CACNA1B: variants seen among roughly 807,000 people sequenced by gnomAD.
CACNA1B encodes the protein voltage-dependent N-type calcium channel subunit alpha-1B.
Under a neutral mutation model 247.2 loss-of-function variants are expected in CACNA1B, and 70 were observed. The observed-to-expected ratio is 0.28, with a 90% confidence interval of 0.23 to 0.35. The LOEUF is 0.35. Among genes scored for constraint, CACNA1B ranks in the 10% least tolerant of loss-of-function variants. CACNA1B has a pLI of 1.00. For synonymous variants in CACNA1B, 1,231 were observed against 1,294.4 expected (o/e 0.95, Z 1.05); for missense variants, 2,367 against 3,197.4 (o/e 0.74, Z 6.26).
intron 12 of CACNA1B, 132 bp from the exon 13 acceptor site, chr9:137,984,006 G>A (rs1958324288): frequency 2.9e-6 from 2 of 690,732 alleles, no homozygotes; most frequent in Non-Finnish European, 5.2e-6. Flanking sequence ...ACCATATCTG[G>A]CTTGATTGTC....
At chr9:137,916,024 T>C (rs1957406291) in intron 5 of CACNA1B, among the ~76,000 whole-genome samples, 1 of 150,738 alleles carries the variant, frequency 6.6e-6, no homozygotes, top group South Asian at 2.1e-4. Context: ...CATGTGTTGT[T>C]ATACAATTTT....
intron 15 of CACNA1B, among the ~76,000 whole-genome samples, chr9:137,995,018 A>G (rs1476205648): frequency 6.6e-6 from 1 of 152,082 alleles, no homozygotes; most frequent in Non-Finnish European, 1.5e-5. Context: ...CAGCCTGACC[A>G]ACATGATGAA....
chr9:137,890,298 C>T (rs1300521203), intron 3 of CACNA1B: 1 of 149,084 alleles, frequency 6.7e-6, no homozygotes, highest in Non-Finnish European at 1.5e-5. Flanking sequence ...GCTGAAGGAG[C>T]CCAGGGCTGC....
Position 137,976,564 on chromosome 9 carries a change from C to A in CACNA1B, c.1656+545C>A, listed in dbSNP as rs922196107. 6.9e-4 allele frequency among the ~76,000 whole-genome samples: 105 copies of A among 151,350 alleles called. 2 individuals are homozygous for A. Among genetic ancestry groups the A allele is most frequent in the Non-Finnish European group, 2.5e-4 (17 of 67,940 alleles). On this transcript the variant is annotated intron_variant, in intron 12 of 46. Transcript: ENST00000371372. ...TTCCCAGCTTACCATGACAGTTGAA[C>A]ACAGACGGCAGGGCAGGGCAGTCTG...
In CACNA1B at chr9:138,073,405, T is replaced by C; in HGVS notation, c.4675-83T>C. On this transcript the variant is annotated intron_variant, in intron 32 of 46. Transcript: ENST00000371372. The surrounding 1 kb of genome is among the most constrained non-coding windows in gnomAD (Gnocchi z 6.4). ...ACTTTTCTTTGGGGCCACAGGGATG[T>C]GGGAAGAGGTTGTAGGGTGGCAGCA... 1.3e-6 allele frequency: 1 copy of C among 778,148 alleles called. No individual in the cohort carries two copies. Among genetic ancestry groups the C allele is most frequent in the Admixed American group, 1.9e-5 (1 of 53,578 alleles). The allele number at this position is 778,148 out of a possible 1,614,324, so 48.2% of individuals were successfully genotyped here.
Position 138,000,547 on chromosome 9 carries a change from T to G in CACNA1B, c.1975-6220T>G, listed in dbSNP as rs563122701. ...TTTCTGCCTCCTGCCTGGGGCCCAG[T>G]CATTATAAGGCGAGTTTCACCAAGC... On this transcript the variant is annotated intron_variant, in intron 15 of 46. Transcript: ENST00000371372. Among the ~76,000 whole-genome samples, 14 of 152,336 alleles carry G rather than the reference T, an allele frequency of 9.2e-5. No homozygotes were observed. The South Asian group carries it at 2.9e-3, about 32-fold the overall frequency.
chr9:138,118,057 C>T lies in CACNA1B; in HGVS notation c.5889C>T (p.Ile1963=). 1 of 1,588,382 alleles carries T rather than the reference C, an allele frequency of 6.3e-7. No individual in the cohort carries two copies. The highest frequency in any genetic ancestry group is 1.4e-5 in the African/African-American group (1 of 72,630). The part of the protein sequence containing the change: ...PPLERGHSTE[I]PVGRSGALAV... The stretch of plus-strand genomic sequence containing the variant: ...TGGAGCGTGGCCACTCCACAGAGAT[C>T]CCTGTGGGGCGGTCAGGAGCACTGG... The change falls in exon 43 of 47, where the codon ATC becomes ATT. Residue 1963 remains isoleucine, a synonymous_variant. Transcript: ENST00000371372.
rs758110680 is a variant in CACNA1B at position 137,887,098 on chromosome 9, G to T, written c.530+4215G>T. ...ACTTACAAGTGGCAGCTGGCGGTGA[G>T]GTTGGCGGAGCAGCGGAGGTGTGCC... On this transcript the variant is annotated intron_variant, in intron 3 of 46. Coordinates refer to ENST00000371372, the MANE Select transcript of CACNA1B (RefSeq NM_000718.4). Among the ~76,000 whole-genome samples the T allele has an allele frequency of 1.6e-3, 239 of 151,972 alleles. 1 individual carries two copies. The highest frequency in any genetic ancestry group is 2.7e-3 in the Non-Finnish European group (186 of 67,978).
intron 20 of CACNA1B, among the ~76,000 whole-genome samples, chr9:138,037,290 A>T (rs1384641243): frequency 1.3e-5 from 2 of 152,224 alleles, no homozygotes; most frequent in Non-Finnish European, 2.9e-5. Flanking sequence ...GCCTAGCAGC[A>T]TCCCTGGCCT....
intron 32 of CACNA1B, among the ~76,000 whole-genome samples, chr9:138,070,759 C>T (rs1430176799): frequency 6.6e-6 from 1 of 152,246 alleles, no homozygotes; most frequent in African/African-American, 2.4e-5. Context: ...GAGCCCTTCC[C>T]CACATTGTCT....
At position 138,020,512 on chromosome 9, in the gene CACNA1B, G is replaced by A. The variant is rs1047083483; in HGVS notation, c.2268-2499G>A. Among the ~76,000 whole-genome samples, 3 of 152,192 alleles carry A rather than the reference G, an allele frequency of 2.0e-5. No homozygotes were observed. The highest frequency in any genetic ancestry group is 1.3e-4 in the Admixed American group (2 of 15,272). On this transcript the variant is annotated intron_variant, in intron 18 of 46. Transcript: ENST00000371372. This position sits in a 1 kb window ranked among gnomAD's most constrained non-coding sequence, Gnocchi z 4.1. The stretch of plus-strand genomic sequence containing the variant: ...CTTAAGACACCATGCAGAGAGGCCC[G>A]GCACGCAGATTCAGAGACCTAGGGG...
chr9:137,933,093 C>T (rs907055368), intron 6 of CACNA1B, among the ~76,000 whole-genome samples: 7 of 151,996 alleles, frequency 4.6e-5, no homozygotes, highest in African/African-American at 7.2e-5. Context: ...CCACCACGCC[C>T]GGCTAGTTTT....
chr9:138,105,735 G>A lies in CACNA1B; in HGVS notation c.5356G>A (p.Asp1786Asn), dbSNP rs889281727. The A allele has an allele frequency of 6.4e-7, 1 of 1,565,974 alleles. No individual in the cohort carries two copies. The highest frequency in any genetic ancestry group is 8.6e-7 in the Non-Finnish European group (1 of 1,156,360). ...VRMNMPISNE[D>N]MTVHFTSTLM... ...CATGAACATGCCCATCTCCAACGAG[G>A]ACATGACTGTTCACTTCACGTCCAC... is the stretch of plus-strand genomic sequence containing the variant. The change falls in exon 39 of 47, where the codon GAC becomes AAC. Residue 1786 changes from aspartate (D) to asparagine (N), a missense_variant. By Grantham distance (23) the Asp-to-Asn change is conservative. Around this residue, in one of 12 missense-constraint regions of CACNA1B, gnomAD observed 773 missense variants for 779.4 expected, o/e 0.99. Coordinates refer to ENST00000371372, the MANE Select transcript of CACNA1B (RefSeq NM_000718.4).
intron 35 of CACNA1B, among the ~76,000 whole-genome samples, chr9:138,076,675 T>C (rs1008797386): frequency 2.0e-5 from 3 of 151,896 alleles, no homozygotes; most frequent in Non-Finnish European, 4.4e-5. Context: ...AGAAGGGAGG[T>C]GGGTGAACAT....
rs1425049953 is a variant in CACNA1B, at chr9:138,114,369, C to A, written c.5537-9C>A. 2.1e-6 allele frequency: 3 copies of A among 1,409,794 alleles called. No individual in the cohort carries two copies. Among genetic ancestry groups the A allele is most frequent in the Non-Finnish European group, 3.0e-6 (3 of 1,004,906 alleles). 87.3% of individuals were successfully genotyped at this position (1,409,794 alleles called of 1,614,324 possible). A position where few individuals can be genotyped will look rare whatever the true frequency, so the allele number is the denominator to read the frequency against. ...TTCTCCGAATCTCAACTCCTGTGTT[C>A]TTTTCCAGCTGATGAGATGACAGTG... is the stretch of plus-strand genomic sequence containing the variant. On this transcript the variant is annotated splice_polypyrimidine_tract_variant and intron_variant, in intron 40 of 46. Transcript: ENST00000371372.
chr9:138,092,018 C>T (rs1237650710), intron 36 of CACNA1B, among the ~76,000 whole-genome samples: 1 of 152,120 alleles, frequency 6.6e-6, no homozygotes, highest in Non-Finnish European at 1.5e-5. Context: ...GGGGTACAAA[C>T]AGGGAGTAAG....
At chr9:138,065,402 C>T (rs1004782562) in intron 31 of CACNA1B, among the ~76,000 whole-genome samples, 1 of 152,148 alleles carries the variant, frequency 6.6e-6, no homozygotes, top group African/African-American at 2.4e-5. Context: ...TCGTGGAAAG[C>T]ATCCACCTCA....
rs550782845 is a variant in CACNA1B at position 138,012,984 on chromosome 9, G to A, written c.2161-145G>A. On this transcript the variant is annotated intron_variant, in intron 17 of 46. Transcript: ENST00000371372. This position sits in a 1 kb window ranked among gnomAD's most constrained non-coding sequence, Gnocchi z 4.2. ...TCGTGGGGGGCCACATTCACTCAGG[G>A]GTTGGCTGCCTGTCTCCACTGGATA... 132 of 592,818 alleles carry A rather than the reference G, an allele frequency of 2.2e-4. 1 individual carries two copies. The South Asian group carries it at 2.6e-3, about 11-fold the overall frequency. 36.7% of individuals were successfully genotyped at this position (592,818 alleles called of 1,614,324 possible).
At chr9:138,113,624 T>C (rs113484138) in intron 40 of CACNA1B, among the ~76,000 whole-genome samples, 1,773 of 128,618 alleles carry the variant, frequency 0.014, 60 homozygotes, top group East Asian at 0.078. Flanking sequence ...CTCCATCTTG[T>C]GGGAGACGTG....
Sources: gnomAD v4.1 joint callset for allele counts (sites outside exome capture counted in the v4.1 genomes callset) on GRCh38, gnomAD v4.1.1 for gene constraint, gnomAD v4.1.1 regional missense constraint, Gnocchi (gnomAD v3.1) non-coding constraint, MANE v1.5 for transcripts, NCBI Gene and HGNC (gene_info 2026-07-23, HGNC 2026-07-21) for gene names.